The following SLC44A5 variants were observed in gnomAD, a reference collection of about 807,000 sequenced individuals.
SLC44A5 encodes solute carrier family 44 member 5, also known as choline transporter-like protein 5.
In SLC44A5, 57 loss-of-function variants were observed where a neutral mutation model predicts 101.8. The ratio of observed to expected loss-of-function variants is 0.56; its 90% CI spans 0.45 to 0.70. The LOEUF (loss-of-function observed/expected upper bound fraction) is 0.70, where lower values mean the gene tolerates loss of function less well. Ranked by LOEUF, SLC44A5 falls within the 30% of genes least tolerant of loss-of-function variation. SLC44A5 has a pLI of 0.00. For missense variants in SLC44A5, 737 were observed against 853.1 expected (o/e 0.86, Z 1.70); for synonymous variants, 281 against 290.9 (o/e 0.97, Z 0.35).
At chr1:75,622,803 A>C in the SLC44A5 span, among the ~76,000 whole-genome samples, 1 of 152,154 alleles carries the variant, frequency 6.6e-6, no homozygotes, top group Middle Eastern at 3.2e-3. Flanking sequence ...CTTCCAATTA[A>C]TCAATTTACC....
chr1:75,313,017 A>G (rs983052926), intron 4 of SLC44A5, among the ~76,000 whole-genome samples: 2 of 152,202 alleles, frequency 1.3e-5, no homozygotes, highest in Admixed American at 6.5e-5. Context: ...ATAAAACAAA[A>G]GTTCTATCTC....
intron 5 of SLC44A5, among the ~76,000 whole-genome samples, chr1:75,277,128 G>C (rs111991276): frequency 6.6e-6 from 1 of 152,246 alleles, no homozygotes; most frequent in African/African-American, 2.4e-5. Context: ...ACACGAAAAG[G>C]GGAGAATAAG....
chr1:75,212,964 G>A (rs115342104), intron 22 of SLC44A5, among the ~76,000 whole-genome samples: 3,719 of 152,208 alleles, frequency 0.024, 150 homozygotes, highest in African/African-American at 0.078. Context: ...CTTCCTGCAG[G>A]GAATTGCCTC....
At chr1:75,354,296 T>C (rs994271978) in intron 3 of SLC44A5, among the ~76,000 whole-genome samples, 2 of 152,200 alleles carry the variant, frequency 1.3e-5, no homozygotes, top group Non-Finnish European at 2.9e-5. Context: ...TTTCCAATCA[T>C]TCCCCAAACT....
At chr1:75,359,087 G>A (rs935473161) in intron 3 of SLC44A5, among the ~76,000 whole-genome samples, 4 of 151,052 alleles carry the variant, frequency 2.6e-5, no homozygotes, top group Non-Finnish European at 4.4e-5. Flanking sequence ...AGATCTTGCA[G>A]TATTTGTCTT....
Position 75,233,990 on chromosome 1 carries a change from A to G in SLC44A5, c.849T>C (p.Gly283=), listed in dbSNP as rs1570428892. ...TTGAAGAGGAGTGATACCTACCATA[A>G]CCTATAATTCCAATCACACCAATCA... ...VFMIGVIGII[G]YGIWHCYQQY... Residue 283 remains glycine, a synonymous_variant, in exon 12 of 24, where the codon GGT becomes GGC. Coordinates refer to ENST00000370859, the MANE Select transcript of SLC44A5 (RefSeq NM_001130058.2). 4 of 1,603,796 alleles carry G rather than the reference A, an allele frequency of 2.5e-6. No homozygotes were observed. In the East Asian group the frequency reaches 8.9e-5, roughly 36 times the overall value.
chr1:75,472,800 T>C (rs1023713323), intron 2 of SLC44A5, among the ~76,000 whole-genome samples: 1 of 152,168 alleles, frequency 6.6e-6, no homozygotes, highest in East Asian at 1.9e-4. Context: ...CTCAAAAGCA[T>C]TGCAGCCCTG....
intron 2 of SLC44A5, among the ~76,000 whole-genome samples, chr1:75,468,877 C>T (rs1000044295): frequency 6.6e-6 from 1 of 152,172 alleles, no homozygotes; most frequent in African/African-American, 2.4e-5. Context: ...TGGATACACC[C>T]ATTTTACATG....
intron 2 of SLC44A5, among the ~76,000 whole-genome samples, chr1:75,500,947 G>A (rs531082715): frequency 2.0e-5 from 3 of 152,096 alleles, no homozygotes; most frequent in Non-Finnish European, 4.4e-5. Flanking sequence ...TGCATAAATT[G>A]AGGATAACTT....
chr1:75,657,360 G>T, the SLC44A5 span, among the ~76,000 whole-genome samples: 1 of 151,802 alleles, frequency 6.6e-6, no homozygotes, highest in South Asian at 2.1e-4. Flanking sequence ...ACCAGTCTGG[G>T]CAACATGGTG....
chr1:75,471,354 A>G (rs1667097173), intron 2 of SLC44A5, among the ~76,000 whole-genome samples: 1 of 149,664 alleles, frequency 6.7e-6, no homozygotes, highest in African/African-American at 2.5e-5. Context: ...ATCCCTCTCC[A>G]TCTAATACAT....
At chr1:75,663,994 C>T in the SLC44A5 span, among the ~76,000 whole-genome samples, 16 of 152,066 alleles carry the variant, frequency 1.1e-4, no homozygotes, top group East Asian at 1.9e-4. Flanking sequence ...GGATGCAAGT[C>T]GGTTCAACAT....
At chr1:75,502,865 A>C (rs1320451455) in intron 2 of SLC44A5, among the ~76,000 whole-genome samples, 2 of 152,180 alleles carry the variant, frequency 1.3e-5, no homozygotes, top group Non-Finnish European at 2.9e-5. Flanking sequence ...TAGGCCTCGC[A>C]CTGGGAACTT....
Position 75,228,290 on chromosome 1 carries a change from G to A in SLC44A5, c.854-433C>T, listed in dbSNP as rs190419122. Among the ~76,000 whole-genome samples the A allele has an allele frequency of 2.8e-3, 428 of 152,098 alleles. 2 individuals carry two copies. The highest frequency in any genetic ancestry group is 9.4e-3 in the African/African-American group (391 of 41,532). On this transcript the variant is annotated intron_variant, in intron 12 of 23. Coordinates refer to ENST00000370859, the MANE Select transcript of SLC44A5 (RefSeq NM_001130058.2). ...AATAGATGTAACAAGTTTAGGGTTG[G>A]CATATTTTTAGTGAACTAAATCATT...
At chr1:75,602,038 T>C (rs542082297) in intron 1 of SLC44A5, among the ~76,000 whole-genome samples, 18 of 152,312 alleles carry the variant, frequency 1.2e-4, no homozygotes, top group African/African-American at 4.1e-4. Flanking sequence ...AAACTACTCA[T>C]TAGACTTCCT....
chr1:75,211,568 G>C lies in SLC44A5; in HGVS notation c.1963-16C>G, dbSNP rs1372099393. The stretch of plus-strand genomic sequence containing the variant: ...AAATGACTGTCTGTAAATGGATGAA[G>C]AAGAGAACCAACATGTCATTTACTT... On this transcript the variant is annotated splice_polypyrimidine_tract_variant and intron_variant, in intron 22 of 23. Coordinates refer to ENST00000370859, the MANE Select transcript of SLC44A5 (RefSeq NM_001130058.2). 1 of 1,558,882 alleles carries C rather than the reference G, an allele frequency of 6.4e-7. No homozygotes were observed. The highest frequency in any genetic ancestry group is 2.2e-5 in the East Asian group (1 of 44,480).
At chr1:75,255,237 G>A (rs974296642) in intron 6 of SLC44A5, among the ~76,000 whole-genome samples, 3 of 151,688 alleles carry the variant, frequency 2.0e-5, no homozygotes, top group Non-Finnish European at 4.4e-5. Flanking sequence ...GCATATATGA[G>A]GAATCAAAAC....
At chr1:75,430,676 C>T (rs1407226792) in intron 2 of SLC44A5, among the ~76,000 whole-genome samples, 1 of 152,194 alleles carries the variant, frequency 6.6e-6, no homozygotes, top group Non-Finnish European at 1.5e-5. Context: ...AGTATGTGGA[C>T]ACCATCCCCA....
At chr1:75,661,402 A>C in the SLC44A5 span, among the ~76,000 whole-genome samples, 4 of 148,924 alleles carry the variant, frequency 2.7e-5, no homozygotes, top group Admixed American at 6.7e-5. Flanking sequence ...AAAAAAAAAA[A>C]AAAAAAAAAA....
Sources: allele counts gnomAD v4.1 joint callset (sites outside exome capture counted in the v4.1 genomes callset), GRCh38; gene constraint gnomAD v4.1.1; transcripts MANE v1.5; gene names NCBI Gene and HGNC (gene_info 2026-07-23, HGNC 2026-07-21).